ANOS1: variants seen among roughly 807,000 people sequenced by gnomAD.
The protein encoded by ANOS1 is anosmin 1, also known as anosmin-1.
In ANOS1, 6 loss-of-function variants were observed where a neutral mutation model predicts 59.0. That is an observed-to-expected ratio of 0.10 (90% CI 0.06 to 0.20). The LOEUF (loss-of-function observed/expected upper bound fraction) is 0.20. Ranked by LOEUF, ANOS1 falls within the 10% of genes least tolerant of loss-of-function variation. The probability of loss-of-function intolerance (pLI) is 1.00; values close to 1 mark genes in which losing one functional copy is unlikely to be tolerated. For synonymous variants in ANOS1, 217 were observed against 223.4 expected, an observed-to-expected ratio of 0.97 and a Z score of 0.25; for missense variants, 433 against 542.3, an observed-to-expected ratio of 0.80 and a Z score of 2.00.
At chrX:8,644,272 G>T (rs1477910182) in intron 2 of ANOS1, among the ~76,000 whole-genome samples, 3 of 110,940 alleles carry the variant, frequency 2.7e-5, no homozygotes, top group Non-Finnish European at 5.7e-5. Context: ...TTAGCCAAGG[G>T]GTCCCAAATA....
At chrX:8,670,959 G>A (rs755640144) in intron 2 of ANOS1, among the ~76,000 whole-genome samples, 108 of 110,655 alleles carry the variant, frequency 9.8e-4, no homozygotes, top group Non-Finnish European at 8.9e-4. Flanking sequence ...CCCATCTCCC[G>A]AAATCCATCC....
intron 3 of ANOS1, among the ~76,000 whole-genome samples, chrX:8,603,508 T>A (rs2030223018): frequency 8.9e-6 from 1 of 112,014 alleles, no homozygotes; most frequent in Non-Finnish European, 1.9e-5. Context: ...AAAATAAAAT[T>A]AAATACTAAC....
intron 7 of ANOS1, among the ~76,000 whole-genome samples, chrX:8,569,190 T>TG (rs1375986808): frequency 1.8e-5 from 2 of 112,001 alleles, no homozygotes; most frequent in African/African-American, 6.5e-5. Flanking sequence ...GGCTGGAGGG[T>TG]GGGACCTGTC....
intron 3 of ANOS1, among the ~76,000 whole-genome samples, chrX:8,619,534 G>A (rs767466737): frequency 3.0e-4 from 34 of 111,500 alleles, no homozygotes; most frequent in African/African-American, 1.1e-3. Context: ...AACCTGGGAG[G>A]CAGAGGTTGC....
At position 8,715,960 on chromosome X, in the gene ANOS1, C is replaced by T. The variant is rs183318605; in HGVS notation, c.207+15870G>A. ...TAACTCAACCTGATGACAGCCAGCG[C>T]GTCTGTAGAGCCAAGTAAGAGGCTC... is the stretch of plus-strand genomic sequence containing the variant. On this transcript the variant is annotated intron_variant, in intron 1 of 13. Coordinates refer to ENST00000262648, the MANE Select transcript of ANOS1 (RefSeq NM_000216.4). Among the ~76,000 whole-genome samples the T allele has an allele frequency of 1.5e-3, 161 of 110,457 alleles. 3 individuals are homozygous for T. The highest frequency in any genetic ancestry group is 3.8e-3 in the African/African-American group (115 of 30,383).
chrX:8,606,850 GC>G (rs1930952299), intron 3 of ANOS1, among the ~76,000 whole-genome samples: 1 of 112,965 alleles, frequency 8.9e-6, no homozygotes, highest in Non-Finnish European at 1.9e-5. Flanking sequence ...GGGTGTGGTG[GC>G]TCACGCCTGT....
chrX:8,535,201 G>A (rs1018397404), intron 12 of ANOS1: 13 of 143,281 alleles, frequency 9.1e-5, no homozygotes, highest in Middle Eastern at 3.2e-3. Flanking sequence ...CGGGGAAGAC[G>A]GACAAACAAC....
chrX:8,682,961 C>T (rs1932448832), intron 2 of ANOS1, among the ~76,000 whole-genome samples: 1 of 111,501 alleles, frequency 9.0e-6, no homozygotes, highest in African/African-American at 3.3e-5. Flanking sequence ...AATGCAGACT[C>T]TCAGGCCCCA....
chrX:8,642,769 C>T (rs746321694), intron 2 of ANOS1, among the ~76,000 whole-genome samples: 1 of 111,233 alleles, frequency 9.0e-6, no homozygotes, highest in South Asian at 3.9e-4. Context: ...TCCCCTCTCC[C>T]ACACTCCACC....
chrX:8,540,523 A>G (rs1929665934), intron 9 of ANOS1, among the ~76,000 whole-genome samples: 1 of 111,073 alleles, frequency 9.0e-6, no homozygotes, highest in South Asian at 3.9e-4. Context: ...AAGTGGGGGG[A>G]AAAAAGATAA....
At chrX:8,614,946 T>C (rs1255757840) in intron 3 of ANOS1, among the ~76,000 whole-genome samples, 1 of 66,180 alleles carries the variant, frequency 1.5e-5, no homozygotes. Context: ...AAAAAGTTTA[T>C]GTTCCAGATC....
chrX:8,555,961 C>A (rs1388616221), intron 8 of ANOS1, among the ~76,000 whole-genome samples: 1 of 112,454 alleles, frequency 8.9e-6, no homozygotes, highest in Non-Finnish European at 1.9e-5. Context: ...TACTGGCAAA[C>A]CGAATCCAGC....
chrX:8,544,990 C>G (rs1178564519), intron 9 of ANOS1, among the ~76,000 whole-genome samples: 1 of 98,196 alleles, frequency 1.0e-5, no homozygotes, highest in Non-Finnish European at 2.0e-5. Context: ...CACTCAAACC[C>G]GGAAGGCAGA....
chrX:8,593,458 T>A (rs1183375576), intron 4 of ANOS1, among the ~76,000 whole-genome samples: 2 of 112,083 alleles, frequency 1.8e-5, no homozygotes, highest in Non-Finnish European at 3.8e-5. Context: ...AATGAATGAA[T>A]GAGGAACTTC....
In ANOS1 at chrX:8,729,391, C is replaced by CTT. The variant is rs1162458402; in HGVS notation, c.207+2437_207+2438dup. Among the ~76,000 whole-genome samples, 78 of 72,630 alleles carry CTT rather than the reference C, an allele frequency of 1.1e-3. 4 individuals carry two copies. Among genetic ancestry groups the CTT allele is most frequent in the African/African-American group, 1.8e-3 (27 of 14,734 alleles). The allele number at this position is 72,630 out of a possible 115,157, so 63.1% of individuals were successfully genotyped here. ...CAGACTGATTGCTCCACCTTCCTTCCTTTTTTTTTTTTTTTTTTTTTTTTT... is the reference window on the plus strand; with the variant it reads ...CAGACTGATTGCTCCACCTTCCTTCCTTTTTTTTTTTTTTTTTTTTTTTTTTT... On this transcript the variant is annotated intron_variant, in intron 1 of 13. Transcript: ENST00000262648.
At chrX:8,582,221 C>T (rs748410924) in intron 6 of ANOS1, among the ~76,000 whole-genome samples, 2 of 112,295 alleles carry the variant, frequency 1.8e-5, no homozygotes, top group South Asian at 3.7e-4. Context: ...AAATACAACA[C>T]GGGCAACGTG....
chrX:8,564,643 C>A (rs1016105763), intron 8 of ANOS1, among the ~76,000 whole-genome samples: 9 of 111,654 alleles, frequency 8.1e-5, no homozygotes, highest in Admixed American at 1.9e-4. Context: ...AGGAATGGGT[C>A]TAGAAACTGC....
At chrX:8,695,400 G>A (rs1386416647) in intron 2 of ANOS1, among the ~76,000 whole-genome samples, 5 of 111,602 alleles carry the variant, frequency 4.5e-5, no homozygotes. Flanking sequence ...ATTCTGGAGT[G>A]GCCAAGGGCA....
intron 2 of ANOS1, among the ~76,000 whole-genome samples, chrX:8,677,800 G>A (rs1484853002): frequency 9.0e-6 from 1 of 111,419 alleles, no homozygotes; most frequent in Non-Finnish European, 1.9e-5. Flanking sequence ...ACTCAGAGCA[G>A]TAAGAGAGCT....
Sources: allele counts gnomAD v4.1 joint callset (sites outside exome capture counted in the v4.1 genomes callset), GRCh38; gene constraint gnomAD v4.1.1; transcripts MANE v1.5; gene names NCBI Gene and HGNC (gene_info 2026-07-23, HGNC 2026-07-21).